The following GRM3 variants were observed in gnomAD, a reference collection of about 807,000 sequenced individuals.
The protein encoded by GRM3 is metabotropic glutamate receptor 3.
In GRM3, 26 loss-of-function variants were observed where a neutral mutation model predicts 70.5. The observed-to-expected ratio is 0.37, with a 90% CI of 0.27 to 0.51. The LOEUF is 0.51. Ranked by LOEUF, GRM3 falls within the 20% of genes least tolerant of loss-of-function variation. The probability of loss-of-function intolerance (pLI) is 0.93; values close to 1 mark genes in which losing one functional copy is unlikely to be tolerated. For missense variants in GRM3, 859 were observed against 1,123.8 expected (o/e 0.76, Z 3.37); for synonymous variants, 443 against 434.9 (o/e 1.02, Z -0.23).
chr7:86,850,415 G>C lies in GRM3; in HGVS notation c.2437G>C (p.Val813Leu). 2 of 1,613,052 alleles carry C rather than the reference G, an allele frequency of 1.2e-6. No individual in the cohort carries two copies. Among genetic ancestry groups the C allele is most frequent in the Non-Finnish European group, 1.7e-6 (2 of 1,179,278 alleles). The change falls in exon 5 of 6, where the codon GTG becomes CTG. Residue 813 changes from valine (V) to leucine (L), a missense_variant. Coordinates refer to ENST00000361669, the MANE Select transcript of GRM3 (RefSeq NM_000840.3). ...MCISVSLSGFVVLGCLFAPKV... is the reference protein window; with the variant it reads ...MCISVSLSGFLVLGCLFAPKV... ...CATCTCTGTCAGCCTGAGTGGCTTT[G>C]TGGTCTTGGGCTGTTTGTTTGCACC... is the stretch of plus-strand genomic sequence containing the variant.
Position 86,765,385 on chromosome 7 carries a change from C to G in GRM3, c.240C>G (p.Asn80Lys). The change falls in exon 2 of 6, where the codon AAC becomes AAG. Residue 80 changes from asparagine (N) to lysine (K), a missense_variant. Asn to Lys is a moderately conservative substitution (Grantham distance 94). Coordinates refer to ENST00000361669, the MANE Select transcript of GRM3 (RefSeq NM_000840.3). ...EAMLFAIDEI[N>K]KDDYLLPGVK... ...TGTTGTTTGCTATTGATGAAATCAACAAAGATGATTACTTGCTACCAGGAG... is the reference window on the plus strand; with the variant it reads ...TGTTGTTTGCTATTGATGAAATCAAGAAAGATGATTACTTGCTACCAGGAG... 6.2e-7 allele frequency: 1 copy of G among 1,613,896 alleles called. No individual in the cohort carries two copies. The highest frequency in any genetic ancestry group is 8.5e-7 in the Non-Finnish European group (1 of 1,179,880).
At chr7:86,775,226 A>G (rs972983837) in intron 2 of GRM3, 1 of 152,126 alleles carries the variant, frequency 6.6e-6, no homozygotes, top group African/African-American at 2.4e-5. Context: ...TCCAACAACC[A>G]TTATTATTTA....
intron 3 of GRM3, among the ~76,000 whole-genome samples, chr7:86,788,879 A>C (rs950294320): frequency 6.6e-6 from 1 of 152,176 alleles, no homozygotes; most frequent in African/African-American, 2.4e-5. Context: ...TAGTATGCAA[A>C]TATACAAATA....
At chr7:86,723,167 T>G (rs1435560843) in intron 1 of GRM3, among the ~76,000 whole-genome samples, 1 of 152,088 alleles carries the variant, frequency 6.6e-6, no homozygotes, top group East Asian at 1.9e-4. Context: ...TTCATTCCCT[T>G]ATTCTCCATA....
At chr7:86,663,062 C>A (rs1319482724) in intron 1 of GRM3, among the ~76,000 whole-genome samples, 4 of 151,554 alleles carry the variant, frequency 2.6e-5, no homozygotes, top group Admixed American at 6.6e-5. Context: ...CCTTAATGAC[C>A]TTTTACTAGA....
chr7:86,864,245 A>C, intron 5 of GRM3, 37 bp from the exon 6 acceptor site: 1 of 1,024,076 alleles, frequency 9.8e-7, no homozygotes, highest in Non-Finnish European at 1.6e-6. Flanking sequence ...GTCCCACTTG[A>C]CTAACTTTGA....
Position 86,838,957 on chromosome 7 carries a change from G to T in GRM3, c.1443G>T (p.Leu481Phe). ...ATGTAGGTGGAAAGTATTCCTACTT[G>T]AAAGTTGGTCACTGGGCAGAAACCT... Reference protein sequence around the residue: ...FQNVGGKYSYLKVGHWAETLS... With the variant: ...FQNVGGKYSYFKVGHWAETLS... The change falls in exon 4 of 6, where the codon TTG becomes TTT. Residue 481 changes from leucine to phenylalanine, a missense_variant. Leu to Phe is a conservative substitution (Grantham distance 22). Coordinates refer to ENST00000361669, the MANE Select transcript of GRM3 (RefSeq NM_000840.3). 4 of 1,613,822 alleles carry T rather than the reference G, an allele frequency of 2.5e-6. No homozygotes were observed. Among genetic ancestry groups the T allele is most frequent in the Non-Finnish European group, 3.4e-6 (4 of 1,179,742 alleles).
At chr7:86,854,632 C>A (rs1337271931) in intron 5 of GRM3, among the ~76,000 whole-genome samples, 1 of 152,118 alleles carries the variant, frequency 6.6e-6, no homozygotes, top group Non-Finnish European at 1.5e-5. Context: ...TGGAGATGCC[C>A]TGGTCCCACC....
At position 86,786,197 on chromosome 7, in the gene GRM3, C is replaced by G. The variant is rs1797235312; in HGVS notation, c.469-64C>G. ...AGTAAAAGGTGTGGATGCTATTATT[C>G]ATTTTCATGTCCAGTCATCTACCTC... On this transcript the variant is annotated intron_variant, in intron 2 of 5. Coordinates refer to ENST00000361669, the MANE Select transcript of GRM3 (RefSeq NM_000840.3). The surrounding 1 kb of genome is among the most constrained non-coding windows in gnomAD (Gnocchi z 6.0). 2 of 1,395,840 alleles carry G rather than the reference C, an allele frequency of 1.4e-6. No homozygotes were observed. The highest frequency in any genetic ancestry group is 2.3e-5 in the East Asian group (1 of 43,652). The allele number at this position is 1,395,840 out of a possible 1,614,324, so 86.5% of individuals were successfully genotyped here.
At chr7:86,787,556 C>CAGAGAGAGAGAGAG (rs71117519) in intron 3 of GRM3, among the ~76,000 whole-genome samples, 1 of 150,020 alleles carries the variant, frequency 6.7e-6, no homozygotes, top group East Asian at 2.0e-4. Context: ...CAGTGGGTGA[C>CAGAGAGAGAGAGAG]AGAGAGAGAG....
chr7:86,725,278 T>C (rs1454163191), intron 1 of GRM3, among the ~76,000 whole-genome samples: 4 of 152,110 alleles, frequency 2.6e-5, no homozygotes, highest in African/African-American at 4.8e-5. Context: ...ACATAGTAGG[T>C]GTTCCAGTTA....
At chr7:86,806,067 A>G (rs1189186599) in intron 3 of GRM3, among the ~76,000 whole-genome samples, 1 of 152,160 alleles carries the variant, frequency 6.6e-6, no homozygotes. Flanking sequence ...GTCCCTGCAA[A>G]GGACATGAAC....
At position 86,786,148 on chromosome 7, in the gene GRM3, C is replaced by A; in HGVS notation, c.469-113C>A. ...AGAACTAACAGAAAAATGTAGCCAT[C>A]TAGAGTAGAGGGAAAAGGGAGTCAG... On this transcript the variant is annotated intron_variant, in intron 2 of 5. Coordinates refer to ENST00000361669, the MANE Select transcript of GRM3 (RefSeq NM_000840.3). This position sits in a 1 kb window ranked among gnomAD's most constrained non-coding sequence, Gnocchi z 6.0. The A allele has an allele frequency of 1.1e-6, 1 of 873,832 alleles. No homozygotes were observed. The allele number at this position is 873,832 out of a possible 1,614,324, so 54.1% of individuals were successfully genotyped here.
intron 1 of GRM3, among the ~76,000 whole-genome samples, chr7:86,742,344 C>T (rs1449118910): frequency 6.6e-6 from 1 of 152,102 alleles, no homozygotes; most frequent in Non-Finnish European, 1.5e-5. Context: ...AATCAAAAGT[C>T]CTGTCCAAGT....
intron 1 of GRM3, among the ~76,000 whole-genome samples, chr7:86,749,556 C>T (rs1437425052): frequency 2.0e-5 from 3 of 151,982 alleles, no homozygotes; most frequent in Non-Finnish European, 4.4e-5. Context: ...CTAATGGATG[C>T]CAGATGTGGA....
intron 2 of GRM3, chr7:86,784,490 C>A (rs1450607420): frequency 6.6e-6 from 1 of 152,176 alleles, no homozygotes; most frequent in African/African-American, 2.4e-5. Flanking sequence ...GCTCCTATCA[C>A]CAAGCCTTCC....
chr7:86,747,585 A>G (rs953435601), intron 1 of GRM3, among the ~76,000 whole-genome samples: 1 of 152,050 alleles, frequency 6.6e-6, no homozygotes, highest in African/African-American at 2.4e-5. Context: ...AAGTACACAA[A>G]CAGATCAATA....
At chr7:86,672,010 C>A (rs574642744) in intron 1 of GRM3, among the ~76,000 whole-genome samples, 3 of 152,252 alleles carry the variant, frequency 2.0e-5, no homozygotes, top group African/African-American at 7.2e-5. Flanking sequence ...CCTGTTGCTG[C>A]CACTTCTCTG....
At chr7:86,811,116 G>T (rs1380611092) in intron 3 of GRM3, among the ~76,000 whole-genome samples, 1 of 151,918 alleles carries the variant, frequency 6.6e-6, no homozygotes, top group Non-Finnish European at 1.5e-5. Flanking sequence ...AGTAGGGAAG[G>T]CAGAGCAGGA....
Sources: gnomAD v4.1 joint callset for allele counts (sites outside exome capture counted in the v4.1 genomes callset) on GRCh38, gnomAD v4.1.1 for gene constraint, Gnocchi (gnomAD v3.1) non-coding constraint, MANE v1.5 for transcripts, NCBI Gene and HGNC (gene_info 2026-07-23, HGNC 2026-07-21) for gene names.